Variants in AGAP1 observed in about 807,000 individuals in gnomAD.
AGAP1 encodes ArfGAP with GTPase domain, ankyrin repeat and PH domain 1.
Under a neutral mutation model 105.3 loss-of-function variants are expected in AGAP1, and 29 were observed. That is an observed-to-expected ratio of 0.28 (90% CI 0.21 to 0.38). The LOEUF (loss-of-function observed/expected upper bound fraction) is 0.38, where lower values mean the gene tolerates loss of function less well. Ranked by LOEUF, AGAP1 falls within the 10% of genes least tolerant of loss-of-function variation. The probability of loss-of-function intolerance (pLI) is 1.00; values close to 1 mark genes in which losing one functional copy is unlikely to be tolerated. For synonymous variants in AGAP1, 509 were observed against 485.9 expected, an observed-to-expected ratio of 1.05 and a Z score of -0.63; for missense variants, 998 against 1,165.1, an observed-to-expected ratio of 0.86 and a Z score of 2.09.
rs10183201 is a variant in AGAP1, at chr2:235,553,916, C to T, written c.163+59067C>T. On this transcript the variant is annotated intron_variant, in intron 1 of 17. Coordinates refer to ENST00000304032, the MANE Select transcript of AGAP1 (RefSeq NM_001037131.3). This position sits in a 1 kb window ranked among gnomAD's most constrained non-coding sequence, Gnocchi z 4.5. The stretch of plus-strand genomic sequence containing the variant: ...GTTGCCTCCGCCTCCCACCCCACCC[C>T]GTGGTGCGGCGTGTGCCAAGACCAG... Among the ~76,000 whole-genome samples the T allele has an allele frequency of 0.019, 2,840 of 152,338 alleles. 78 individuals carry two copies. The highest frequency in any genetic ancestry group is 0.063 in the African/African-American group (2,637 of 41,578).
chr2:235,955,437 G>A (rs909086903), intron 12 of AGAP1, among the ~76,000 whole-genome samples: 1 of 152,100 alleles, frequency 6.6e-6, no homozygotes, highest in Admixed American at 6.5e-5. Context: ...AGAGCCCCAC[G>A]AATGCTCATG....
At chr2:235,991,563 G>C (rs28646260) in intron 13 of AGAP1, among the ~76,000 whole-genome samples, 3 of 152,136 alleles carry the variant, frequency 2.0e-5, no homozygotes, top group East Asian at 3.9e-4. Context: ...GAAAGAAAAT[G>C]GTTTTTTAAA....
chr2:235,794,290 A>T (rs1440621396), intron 6 of AGAP1, among the ~76,000 whole-genome samples: 1 of 152,112 alleles, frequency 6.6e-6, no homozygotes. Flanking sequence ...ACTGAGCATT[A>T]CTCTTGGGAG....
intron 6 of AGAP1, among the ~76,000 whole-genome samples, chr2:235,781,616 A>G (rs955684944): frequency 2.6e-5 from 4 of 152,156 alleles, no homozygotes; most frequent in African/African-American, 9.7e-5. Context: ...TTCACTGGAC[A>G]CGTGTTCATT....
intron 16 of AGAP1, among the ~76,000 whole-genome samples, chr2:236,103,212 C>T (rs1302633677): frequency 4.6e-5 from 7 of 152,204 alleles, no homozygotes; most frequent in Admixed American, 1.3e-4. Context: ...GCCTCACCTC[C>T]GCCCACTGCC....
At chr2:235,561,560 C>T (rs1209333755) in intron 1 of AGAP1, among the ~76,000 whole-genome samples, 2 of 152,122 alleles carry the variant, frequency 1.3e-5, no homozygotes, top group African/African-American at 4.8e-5. Context: ...GCCTGGCTTC[C>T]TTCTAAGGTT....
chr2:235,826,868 A>G (rs1359545402), intron 9 of AGAP1, among the ~76,000 whole-genome samples: 1 of 152,196 alleles, frequency 6.6e-6, no homozygotes, highest in Non-Finnish European at 1.5e-5. Flanking sequence ...TAAAACACAC[A>G]AATTTGGCCA....
rs528609222 is a variant in AGAP1, at chr2:235,728,791, G to A, written c.310+11147G>A. Among the ~76,000 whole-genome samples, 20 of 152,320 alleles carry A rather than the reference G, an allele frequency of 1.3e-4. No individual in the cohort carries two copies. Among genetic ancestry groups the A allele is most frequent in the East Asian group, 7.7e-4 (4 of 5,178 alleles). On this transcript the variant is annotated intron_variant, in intron 3 of 17. Coordinates refer to ENST00000304032, the MANE Select transcript of AGAP1 (RefSeq NM_001037131.3). This position sits in a 1 kb window ranked among gnomAD's most constrained non-coding sequence, Gnocchi z 4.3. ...AAAGCGTGCCTAGTGGAGCAAGAGC[G>A]GGGCGGGGAGGAGGGGAAGCCAGCC...
chr2:235,670,634 G>T, intron 1 of AGAP1: 1 of 621,230 alleles, frequency 1.6e-6, no homozygotes, highest in Admixed American at 2.6e-5. Flanking sequence ...CAGCAGCTCC[G>T]GGAGCCTGGC....
intron 9 of AGAP1, among the ~76,000 whole-genome samples, chr2:235,815,829 T>C (rs190192435): frequency 6.6e-5 from 10 of 152,318 alleles, no homozygotes; most frequent in African/African-American, 2.4e-4. Flanking sequence ...AACGAATCCT[T>C]ATACCAGGTG....
chr2:235,764,693 TGGGGTG>T (rs1954773339), intron 6 of AGAP1, among the ~76,000 whole-genome samples: 1 of 97,068 alleles, frequency 1.0e-5, no homozygotes, highest in Admixed American at 1.1e-4. Context: ...GGAGCGCCCG[TGGGGTG>T]GGGGCATCTG....
intron 1 of AGAP1, among the ~76,000 whole-genome samples, chr2:235,687,544 C>T (rs1046323267): frequency 6.6e-6 from 1 of 152,170 alleles, no homozygotes; most frequent in African/African-American, 2.4e-5. Flanking sequence ...AGTTTCCAAA[C>T]AGATATATTG....
At position 235,552,492 on chromosome 2, in the gene AGAP1, G is replaced by C. The variant is rs1943845201; in HGVS notation, c.163+57643G>C. Among the ~76,000 whole-genome samples the C allele has an allele frequency of 6.6e-6, 1 of 152,170 alleles. No individual in the cohort carries two copies. The highest frequency in any genetic ancestry group is 1.5e-5 in the Non-Finnish European group (1 of 68,032). On this transcript the variant is annotated intron_variant, in intron 1 of 17. Coordinates refer to ENST00000304032, the MANE Select transcript of AGAP1 (RefSeq NM_001037131.3). The surrounding 1 kb of genome is among the most constrained non-coding windows in gnomAD (Gnocchi z 5.9). ...CAGAGCACTGGGAAATGGACTTCCT[G>C]GGAAGTGTGGGATTTTTTCTGCTAC... is the stretch of plus-strand genomic sequence containing the variant.
At chr2:235,523,311 C>T (rs1456364995) in intron 1 of AGAP1, among the ~76,000 whole-genome samples, 1 of 152,148 alleles carries the variant, frequency 6.6e-6, no homozygotes, top group African/African-American at 2.4e-5. Flanking sequence ...TGCATTCAGC[C>T]CATAACAGGG....
rs375932164 is a variant in AGAP1, at chr2:235,665,615, T to TTA, written c.164-43564_164-43563insTA. ...TCTTATGCTAAAAATATAAAAGTAT[T>TTA]AATAAGACGTTACTGTCTTGGTAAT... is the stretch of plus-strand genomic sequence containing the variant. On this transcript the variant is annotated intron_variant, in intron 1 of 17. Coordinates refer to ENST00000304032, the MANE Select transcript of AGAP1 (RefSeq NM_001037131.3). This position sits in a 1 kb window ranked among gnomAD's most constrained non-coding sequence, Gnocchi z 5.3. Among the ~76,000 whole-genome samples the TTA allele has an allele frequency of 4.6e-4, 70 of 152,284 alleles. No homozygotes were observed. In the East Asian group the frequency reaches 0.012, roughly 25 times the overall value.
chr2:235,769,557 A>G lies in AGAP1; in HGVS notation c.673+19069A>G, dbSNP rs958562099. On this transcript the variant is annotated intron_variant, in intron 6 of 17. Transcript: ENST00000304032. This position sits in a 1 kb window ranked among gnomAD's most constrained non-coding sequence, Gnocchi z 4.4. ...AAATGGTTGTTAAAGAAATGCAAAC[A>G]GTTAGTTGTTCCGTTCATGCTGTTG... Among the ~76,000 whole-genome samples, 1 of 152,222 alleles carries G rather than the reference A, an allele frequency of 6.6e-6. No individual in the cohort carries two copies. Among genetic ancestry groups the G allele is most frequent in the African/African-American group, 2.4e-5 (1 of 41,450 alleles).
rs1466023909 is a variant in AGAP1 at position 235,867,893 on chromosome 2, G to A, written c.1051-15452G>A. Among the ~76,000 whole-genome samples the A allele has an allele frequency of 6.6e-6, 1 of 152,008 alleles. No homozygotes were observed. Among genetic ancestry groups the A allele is most frequent in the Non-Finnish European group, 1.5e-5 (1 of 68,012 alleles). ...ATCCACCCACCACCCACCCAGATGC[G>A]CTTCTCTAGTTTTATTGAGGTCAGT... On this transcript the variant is annotated intron_variant, in intron 9 of 17. Transcript: ENST00000304032. This position sits in a 1 kb window ranked among gnomAD's most constrained non-coding sequence, Gnocchi z 5.4.
At chr2:235,516,789 G>A (rs914901142) in intron 1 of AGAP1, among the ~76,000 whole-genome samples, 7 of 152,324 alleles carry the variant, frequency 4.6e-5, no homozygotes, top group Admixed American at 1.3e-4. Flanking sequence ...GAAGTAAGTG[G>A]CGTCGCTGCC....
chr2:235,760,722 G>A (rs1331934937), intron 6 of AGAP1, among the ~76,000 whole-genome samples: 2 of 152,108 alleles, frequency 1.3e-5, no homozygotes, highest in Admixed American at 1.3e-4. Flanking sequence ...AGTAGCTAGC[G>A]CTACTGGTGC....
Sources: gnomAD v4.1 joint callset for allele counts (sites outside exome capture counted in the v4.1 genomes callset) on GRCh38, gnomAD v4.1.1 for gene constraint, Gnocchi (gnomAD v3.1) non-coding constraint, MANE v1.5 for transcripts, NCBI Gene and HGNC (gene_info 2026-07-23, HGNC 2026-07-21) for gene names.